Variants in ANKFY1 observed in about 807,000 individuals in gnomAD.
ANKFY1 encodes ankyrin repeat and FYVE domain containing 1, also known as ankyrin repeat and FYVE domain-containing protein 1.
In ANKFY1, 47 loss-of-function variants were observed where a neutral mutation model predicts 128.3. The observed-to-expected ratio is 0.37, with a 90% CI of 0.29 to 0.47. ANKFY1 has a LOEUF of 0.47. ANKFY1 is among the 20% of genes least tolerant of loss of function. The pLI is 1.00. For missense variants in ANKFY1, 1,222 were observed against 1,510.6 expected (o/e 0.81, Z 3.17); for synonymous variants, 553 against 601.6 (o/e 0.92, Z 1.18).
intron 3 of ANKFY1, chr17:4,222,821 C>G (rs1203628346): frequency 1.0e-6 from 1 of 968,464 alleles, no homozygotes; most frequent in East Asian, 2.4e-5. Flanking sequence ...TTAGTGCCAG[C>G]AGGAGTTCCC....
At chr17:4,172,719 C>A (rs1339751194) in intron 21 of ANKFY1, 39 bp from the exon 22 acceptor site, 1 of 1,609,526 alleles carries the variant, frequency 6.2e-7, no homozygotes, top group Non-Finnish European at 8.5e-7. Context: ...ATGTATCTGC[C>A]ATGGCCATCA....
In ANKFY1 at chr17:4,189,372, TCA is replaced by T. The variant is rs1473218058; in HGVS notation, c.1470+8_1470+9del. 91 of 1,565,874 alleles carry T rather than the reference TCA, an allele frequency of 5.8e-5. No homozygotes were observed. The highest frequency in any genetic ancestry group is 7.7e-5 in the Non-Finnish European group (88 of 1,150,300). ...AACACCATTTTCTCCGGCTGCCCTGTCACACTTACCCACTTGTTTCTGTGGTT... is the reference window on the plus strand; with the variant it reads ...AACACCATTTTCTCCGGCTGCCCTGTCACTTACCCACTTGTTTCTGTGGTT... On this transcript the variant is annotated splice_region_variant and intron_variant, in intron 11 of 24. Coordinates refer to ENST00000341657, the MANE Select transcript of ANKFY1 (RefSeq NM_001330063.2).
At chr17:4,172,888 C>A (rs1055679734) in intron 21 of ANKFY1, among the ~76,000 whole-genome samples, 8 of 152,226 alleles carry the variant, frequency 5.3e-5, no homozygotes, top group Non-Finnish European at 8.8e-5. Context: ...GAGACGGAGT[C>A]TCGCTCTGTC....
intron 8 of ANKFY1, 124 bp from the exon 9 acceptor site, chr17:4,195,595 C>T: frequency 1.3e-6 from 1 of 752,190 alleles, no homozygotes; most frequent in Non-Finnish European, 2.3e-6. Flanking sequence ...TTCTACAAGG[C>T]TTCTAAAACC....
chr17:4,192,998 T>A (rs1460075711), intron 10 of ANKFY1, among the ~76,000 whole-genome samples: 1 of 152,002 alleles, frequency 6.6e-6, no homozygotes, highest in Admixed American at 6.6e-5. Flanking sequence ...CTATATAATA[T>A]AAAATTGACA....
At chr17:4,230,203 T>C (rs1160829034) in intron 3 of ANKFY1, among the ~76,000 whole-genome samples, 1 of 152,182 alleles carries the variant, frequency 6.6e-6, no homozygotes, top group African/African-American at 2.4e-5. Flanking sequence ...GAGTGCAAGC[T>C]TTCCAGATGG....
At chr17:4,215,504 C>T (rs1218053054) in intron 4 of ANKFY1, among the ~76,000 whole-genome samples, 1 of 152,068 alleles carries the variant, frequency 6.6e-6, no homozygotes, top group Non-Finnish European at 1.5e-5. Flanking sequence ...TTATCTCAAG[C>T]ATGTAATTCC....
intron 7 of ANKFY1, among the ~76,000 whole-genome samples, chr17:4,203,827 C>CAAAAAAAAAAAAAAAAA (rs773865349): frequency 7.7e-5 from 6 of 77,662 alleles, no homozygotes; most frequent in East Asian, 4.9e-4. Context: ...ACAACAACAA[C>CAAAAAAAAAAAAAAAAA]AAAAAAAAAA....
At chr17:4,223,799 G>T in intron 3 of ANKFY1, 1 of 1,482,382 alleles carries the variant, frequency 6.7e-7, no homozygotes, top group Non-Finnish European at 9.4e-7. Flanking sequence ...GTGTCTCACA[G>T]TTTCATGCAG....
At chr17:4,235,913 T>C (rs1359706019) in intron 2 of ANKFY1, 23 bp from the exon 3 acceptor site, 2 of 1,546,514 alleles carry the variant, frequency 1.3e-6, no homozygotes, top group Admixed American at 3.3e-5. Context: ...AAGATCCACA[T>C]ATATTAGAAA....
chr17:4,185,197 C>T (rs920384419), intron 11 of ANKFY1, 151 bp from the exon 12 acceptor site: 56 of 732,864 alleles, frequency 7.6e-5, no homozygotes, highest in East Asian at 2.7e-4. Context: ...TGAGCCATCG[C>T]TCTCAGTATC....
intron 1 of ANKFY1, among the ~76,000 whole-genome samples, chr17:4,259,835 T>A (rs1335203600): frequency 1.3e-5 from 2 of 152,154 alleles, no homozygotes; most frequent in Non-Finnish European, 2.9e-5. Context: ...ACAGACCAAG[T>A]TCCTGCCCTC....
intron 4 of ANKFY1, among the ~76,000 whole-genome samples, chr17:4,212,044 T>G (rs529035083): frequency 1.1e-4 from 16 of 152,236 alleles, no homozygotes; most frequent in Non-Finnish European, 2.2e-4. Flanking sequence ...ACACTTCCTC[T>G]ATGCCAGAAT....
At chr17:4,211,603 C>A in intron 4 of ANKFY1, among the ~76,000 whole-genome samples, 1 of 152,056 alleles carries the variant, frequency 6.6e-6, no homozygotes, top group East Asian at 1.9e-4. Flanking sequence ...TGCAAAGGCT[C>A]ACACCTGTAA....
intron 11 of ANKFY1, 99 bp from the exon 12 acceptor site, chr17:4,185,145 CCTGCCGCCAG>C (rs2059588496): frequency 9.8e-7 from 1 of 1,024,902 alleles, no homozygotes; most frequent in Non-Finnish European, 1.5e-6. Context: ...CTTGGCTCAT[CCTGCCGCCAG>C]CTGCCCCTCC....
At chr17:4,177,397 G>C (rs868103563) in intron 18 of ANKFY1, 95 bp from the exon 19 acceptor site, 2 of 1,106,158 alleles carry the variant, frequency 1.8e-6, no homozygotes, top group East Asian at 2.7e-5. Context: ...GAGAGGTCAC[G>C]ATGGAGACCT....
At chr17:4,260,578 A>C (rs1010373614) in intron 1 of ANKFY1, among the ~76,000 whole-genome samples, 2 of 136,328 alleles carry the variant, frequency 1.5e-5, no homozygotes, top group African/African-American at 5.5e-5. Context: ...TGATCACGCC[A>C]TTGTACTCCA....
intron 3 of ANKFY1, among the ~76,000 whole-genome samples, chr17:4,220,121 G>A (rs1238996531): frequency 2.6e-5 from 4 of 152,100 alleles, no homozygotes; most frequent in Admixed American, 2.0e-4. Context: ...CACCCTGCCC[G>A]GCCAGTAGTA....
intron 5 of ANKFY1, 169 bp from the exon 6 acceptor site, chr17:4,208,251 C>A: frequency 1.9e-6 from 1 of 529,742 alleles, no homozygotes; most frequent in South Asian, 3.4e-5. Context: ...TTGAACATCC[C>A]CATTTTACAG....
Sources: allele counts gnomAD v4.1 joint callset (sites outside exome capture counted in the v4.1 genomes callset), GRCh38; gene constraint gnomAD v4.1.1; transcripts MANE v1.5; gene names NCBI Gene and HGNC (gene_info 2026-07-23, HGNC 2026-07-21).